The following USP34 variants were observed in gnomAD, a reference collection of about 807,000 sequenced individuals.
USP34 encodes the protein ubiquitin specific peptidase 34.
USP34 carries 70 observed loss-of-function variants against 460.3 expected under a neutral mutation model. The observed-to-expected ratio is 0.15, with a 90% confidence interval of 0.13 to 0.19. The LOEUF is 0.19. Ranked by LOEUF, USP34 falls within the 10% of genes least tolerant of loss-of-function variation. USP34 has a pLI of 1.00. For synonymous variants in USP34, 1,647 were observed against 1,405.3 expected, an observed-to-expected ratio of 1.17 and a Z score of -3.85; for missense variants, 3,985 against 4,236.2, an observed-to-expected ratio of 0.94 and a Z score of 1.65.
intron 1 of USP34, among the ~76,000 whole-genome samples, chr2:61,448,975 A>G (rs1695193868): frequency 6.6e-6 from 1 of 152,078 alleles, no homozygotes; most frequent in African/African-American, 2.4e-5. Flanking sequence ...GCCAACATGG[A>G]AAAACCTGTC....
intron 5 of USP34, among the ~76,000 whole-genome samples, chr2:61,388,242 TCA>T (rs1018130748): frequency 6.6e-6 from 1 of 151,704 alleles, no homozygotes; most frequent in Non-Finnish European, 1.5e-5. Flanking sequence ...AGACACTGTC[TCA>T]AAAAATAATA....
At chr2:61,390,622 T>C (rs1184956202) in intron 5 of USP34, among the ~76,000 whole-genome samples, 1 of 152,246 alleles carries the variant, frequency 6.6e-6, no homozygotes, top group African/African-American at 2.4e-5. Context: ...GCTGAAGTTC[T>C]AGTTAAGAAT....
intron 25 of USP34, among the ~76,000 whole-genome samples, chr2:61,313,607 TAAAATTTTATTTTTTTAAGTGGTTA>T (rs1690659826): frequency 1.3e-5 from 2 of 152,166 alleles, no homozygotes; most frequent in Admixed American, 6.5e-5. Context: ...TTGCTCTTTT[TAAAATTTTATTTTTTTAAGTGGTTA>T]AAGTTATAAG....
At position 61,187,817 on chromosome 2, in the gene USP34, C is replaced by T; in HGVS notation, c.*285G>A. 1 of 1,058,608 alleles carries T rather than the reference C, an allele frequency of 9.4e-7. No individual in the cohort carries two copies. The highest frequency in any genetic ancestry group is 1.2e-6 in the Non-Finnish European group (1 of 816,348). The allele number at this position is 1,058,608 out of a possible 1,614,324, so 65.6% of individuals were successfully genotyped here. On this transcript the variant is annotated 3_prime_UTR_variant, in exon 80 of 80. Transcript: ENST00000398571. ...AATTACATTGTACAGGGCTAGGCAA[C>T]CCTGTTCTTCCCAGACAGCCATATT... is the stretch of plus-strand genomic sequence containing the variant.
intron 27 of USP34, among the ~76,000 whole-genome samples, chr2:61,305,050 G>A (rs995486052): frequency 6.6e-6 from 1 of 152,136 alleles, no homozygotes; most frequent in African/African-American, 2.4e-5. Context: ...CGTAGGACGG[G>A]TGTGGTGGCT....
intron 43 of USP34, among the ~76,000 whole-genome samples, chr2:61,261,876 G>A (rs572987990): frequency 5.3e-5 from 8 of 151,574 alleles, no homozygotes; most frequent in Non-Finnish European, 8.8e-5. Flanking sequence ...AGGCCGAGGC[G>A]GGGGGATCAC....
chr2:61,210,183 A>G (rs945570545), intron 69 of USP34, among the ~76,000 whole-genome samples: 2 of 152,218 alleles, frequency 1.3e-5, no homozygotes, highest in Admixed American at 6.5e-5. Context: ...GTAGGGTACA[A>G]TAATGTCCCA....
At chr2:61,340,144 ATAAT>A (rs1258739313) in intron 16 of USP34, among the ~76,000 whole-genome samples, 1 of 152,236 alleles carries the variant, frequency 6.6e-6, no homozygotes, top group Non-Finnish European at 1.5e-5. Context: ...CATATTTGAA[ATAAT>A]TATTTAAACA....
intron 1 of USP34, among the ~76,000 whole-genome samples, chr2:61,458,654 G>A (rs928353772): frequency 6.7e-6 from 1 of 149,846 alleles, no homozygotes; most frequent in South Asian, 2.1e-4. Context: ...AAGAGAACAA[G>A]GGAATGAAGC....
intron 2 of USP34, among the ~76,000 whole-genome samples, chr2:61,414,056 G>A (rs1208209302): frequency 1.3e-5 from 2 of 152,078 alleles, no homozygotes; most frequent in East Asian, 1.9e-4. Context: ...TCAGGAGCTC[G>A]AGACCAGCCT....
chr2:61,322,520 G>C (rs147514816), intron 21 of USP34, among the ~76,000 whole-genome samples: 47 of 152,310 alleles, frequency 3.1e-4, no homozygotes, highest in African/African-American at 1.1e-3. Context: ...ACATCCCAGG[G>C]ATTTCTGAAG....
chr2:61,349,847 C>A (rs546209160), intron 12 of USP34, among the ~76,000 whole-genome samples: 2 of 142,676 alleles, frequency 1.4e-5, no homozygotes, highest in African/African-American at 2.6e-5. Flanking sequence ...TCTCAAAAAA[C>A]AACAACAACA....
chr2:61,396,481 AT>A (rs950655282), intron 3 of USP34, among the ~76,000 whole-genome samples: 1 of 118,270 alleles, frequency 8.5e-6, no homozygotes, highest in Non-Finnish European at 1.7e-5. Context: ...TGGCATAACC[AT>A]TCCAGCTAAT....
chr2:61,276,414 C>A (rs1343591844), intron 41 of USP34, among the ~76,000 whole-genome samples: 1 of 151,992 alleles, frequency 6.6e-6, no homozygotes, highest in African/African-American at 2.4e-5. Context: ...TTAATGTACT[C>A]ATTTTTTAGT....
intron 20 of USP34, among the ~76,000 whole-genome samples, chr2:61,330,133 A>G (rs1421256823): frequency 1.3e-5 from 2 of 152,202 alleles, no homozygotes; most frequent in East Asian, 3.8e-4. Context: ...TATAACAGAA[A>G]CAGACTGTCG....
At chr2:61,261,891 T>G (rs1199439946) in intron 43 of USP34, among the ~76,000 whole-genome samples, 1 of 151,382 alleles carries the variant, frequency 6.6e-6, no homozygotes, top group Non-Finnish European at 1.5e-5. Context: ...GATCACGAGG[T>G]CAGGAGTTTG....
intron 3 of USP34, among the ~76,000 whole-genome samples, chr2:61,399,208 G>A (rs1345393447): frequency 2.6e-5 from 4 of 151,878 alleles, no homozygotes; most frequent in African/African-American, 9.7e-5. Context: ...GTGTCGTGAC[G>A]CATGCCTGTA....
intron 1 of USP34, among the ~76,000 whole-genome samples, chr2:61,425,397 T>A (rs539457559): frequency 6.6e-6 from 1 of 151,426 alleles, no homozygotes; most frequent in Non-Finnish European, 1.5e-5. Flanking sequence ...CACTTCCTGT[T>A]CCCCCAGCCA....
At chr2:61,401,173 A>G (rs987099236) in intron 3 of USP34, among the ~76,000 whole-genome samples, 2 of 149,754 alleles carry the variant, frequency 1.3e-5, no homozygotes, top group Non-Finnish European at 3.0e-5. Context: ...AAAAAAATTA[A>G]AAAATAAAAC....
Sources: allele counts gnomAD v4.1 joint callset (sites outside exome capture counted in the v4.1 genomes callset), GRCh38; gene constraint gnomAD v4.1.1; transcripts MANE v1.5; gene names NCBI Gene and HGNC (gene_info 2026-07-23, HGNC 2026-07-21).